Variants in UGT3A1 observed in about 807,000 individuals in gnomAD.
The protein encoded by UGT3A1 is UDP glycosyltransferase family 3 member A1, also known as UDP-glycosyltransferase 3A1.
UGT3A1 carries 40 observed loss-of-function variants against 37.6 expected under a neutral mutation model. The ratio of observed to expected loss-of-function variants is 1.06; its 90% CI spans 0.83 to 1.38. The LOEUF (loss-of-function observed/expected upper bound fraction) is 1.38, where lower values mean the gene tolerates loss of function less well. Among genes scored for constraint, UGT3A1 ranks in the 40% most tolerant of loss-of-function variants. The probability of loss-of-function intolerance (pLI) is 0.00; values close to 1 mark genes in which losing one functional copy is unlikely to be tolerated. For missense variants in UGT3A1, 642 were observed against 634.2 expected, an observed-to-expected ratio of 1.01 and a Z score of -0.13; for synonymous variants, 256 against 232.3, an observed-to-expected ratio of 1.10 and a Z score of -0.93.
chr5:35,956,893 A>G (rs905288198), intron 5 of UGT3A1, among the ~76,000 whole-genome samples: 3 of 152,152 alleles, frequency 2.0e-5, no homozygotes, highest in Non-Finnish European at 4.4e-5. Context: ...TTCAGTGTCA[A>G]ATGTAGTAGG....
intron 2 of UGT3A1, among the ~76,000 whole-genome samples, chr5:35,978,711 G>A (rs752126372): frequency 1.6e-4 from 24 of 151,996 alleles, no homozygotes; most frequent in Non-Finnish European, 3.4e-4. Flanking sequence ...CAAATCTCAC[G>A]TCCTCACATT....
intron 2 of UGT3A1, among the ~76,000 whole-genome samples, chr5:35,985,957 T>G (rs2149989505): frequency 6.6e-6 from 1 of 152,268 alleles, no homozygotes; most frequent in Middle Eastern, 3.4e-3. Context: ...AAACTATTCT[T>G]TTCACAATGG....
intron 5 of UGT3A1, among the ~76,000 whole-genome samples, chr5:35,956,758 G>A (rs556780069): frequency 2.0e-5 from 3 of 152,266 alleles, no homozygotes; most frequent in Admixed American, 6.5e-5. Context: ...ATAGGTATAC[G>A]TGTGTTTGTG....
intron 2 of UGT3A1, among the ~76,000 whole-genome samples, chr5:35,979,939 A>T (rs1273965447): frequency 1.3e-5 from 2 of 152,198 alleles, no homozygotes; most frequent in Non-Finnish European, 2.9e-5. Flanking sequence ...TCTTAAGACC[A>T]TCAGGTCTCA....
chr5:35,989,834 A>G (rs1338340415), intron 1 of UGT3A1, among the ~76,000 whole-genome samples: 1 of 152,152 alleles, frequency 6.6e-6, no homozygotes, highest in Non-Finnish European at 1.5e-5. Flanking sequence ...ATGAACTAAC[A>G]CAGTTTCTTA....
At chr5:35,963,164 A>G (rs1035613980) in intron 4 of UGT3A1, among the ~76,000 whole-genome samples, 1 of 152,174 alleles carries the variant, frequency 6.6e-6, no homozygotes, top group African/African-American at 2.4e-5. Context: ...CCCCTCACCT[A>G]TGCCTCTATT....
intron 2 of UGT3A1, among the ~76,000 whole-genome samples, chr5:35,981,950 AG>A (rs1246884902): frequency 6.6e-6 from 1 of 152,234 alleles, no homozygotes; most frequent in Non-Finnish European, 1.5e-5. Flanking sequence ...TAGCTGTTCC[AG>A]CTCCAGCCAC....
chr5:35,960,441 G>A (rs1394140691), intron 4 of UGT3A1, among the ~76,000 whole-genome samples: 1 of 152,192 alleles, frequency 6.6e-6, no homozygotes, highest in Non-Finnish European at 1.5e-5. Flanking sequence ...CCCCCTCACA[G>A]GGTATGTGAC....
In UGT3A1 at chr5:35,991,280, CGCGCCCT is replaced by C. The variant is rs1348337168; in HGVS notation, c.-47_-41del. On this transcript the variant is annotated 5_prime_UTR_variant, in exon 1 of 7. Coordinates refer to ENST00000274278, the MANE Select transcript of UGT3A1 (RefSeq NM_152404.4). ...AAGCAGCGGATCTCAGCCTGGGCTGCGCGCCCTGCGCCGGGCTAAGGACTCTGTGCGC... is the reference window on the plus strand; with the variant it reads ...AAGCAGCGGATCTCAGCCTGGGCTGCGCGCCGGGCTAAGGACTCTGTGCGC... 6.2e-7 allele frequency: 1 copy of C among 1,612,780 alleles called. No individual in the cohort carries two copies.
chr5:35,977,833 A>T (rs1048127459), intron 2 of UGT3A1, among the ~76,000 whole-genome samples: 1 of 152,236 alleles, frequency 6.6e-6, no homozygotes, highest in East Asian at 1.9e-4. Context: ...CGTAAAATTT[A>T]AAAGATACAA....
At chr5:35,969,892 T>C (rs1233705255) in intron 2 of UGT3A1, among the ~76,000 whole-genome samples, 1 of 152,160 alleles carries the variant, frequency 6.6e-6, no homozygotes, top group African/African-American at 2.4e-5. Context: ...ATACCTGTAT[T>C]AGTCTGTTTT....
At chr5:35,981,417 G>T (rs1740517290) in intron 2 of UGT3A1, among the ~76,000 whole-genome samples, 1 of 152,150 alleles carries the variant, frequency 6.6e-6, no homozygotes, top group African/African-American at 2.4e-5. Context: ...GGTGGTCTCA[G>T]ATGGAAATGA....
chr5:35,991,571 G>A (rs886832274), upstream of UGT3A1: 3 of 1,078,064 alleles, frequency 2.8e-6, no homozygotes, highest in Non-Finnish European at 3.4e-6. Flanking sequence ...AGCCAGGAAT[G>A]ACAGGGGCCT....
chr5:35,968,368 A>T (rs1739899371), intron 2 of UGT3A1, among the ~76,000 whole-genome samples: 1 of 152,186 alleles, frequency 6.6e-6, no homozygotes, highest in African/African-American at 2.4e-5. Flanking sequence ...AAAAGTTTCC[A>T]CTTAAAGCTT....
At chr5:35,998,911 G>A (rs555018277) in intron 1 of UGT3A1, among the ~76,000 whole-genome samples, 4 of 152,182 alleles carry the variant, frequency 2.6e-5, no homozygotes, top group African/African-American at 9.6e-5. Context: ...GAAAGAGAGA[G>A]AATATTTAAC....
At chr5:35,997,085 G>T (rs374952512) in intron 2 of UGT3A1, among the ~76,000 whole-genome samples, 1 of 152,104 alleles carries the variant, frequency 6.6e-6, no homozygotes, top group Non-Finnish European at 1.5e-5. Context: ...ATTATTTCCT[G>T]CACAAGCCTC....
chr5:35,974,900 C>T lies in UGT3A1; in HGVS notation c.197-6767G>A, dbSNP rs545113792. Among the ~76,000 whole-genome samples, 14 of 152,290 alleles carry T rather than the reference C, an allele frequency of 9.2e-5. No individual in the cohort carries two copies. The East Asian group carries it at 1.9e-3, about 21-fold the overall frequency. On this transcript the variant is annotated intron_variant, in intron 2 of 6. Transcript: ENST00000274278. ...TCTTCCACAACAAACCACACTTGTC[C>T]GTTGCGTTGCCTATGGCCAATGGTT...
intron 2 of UGT3A1, among the ~76,000 whole-genome samples, chr5:35,983,137 A>T (rs1183200960): frequency 6.6e-6 from 1 of 151,942 alleles, no homozygotes; most frequent in Non-Finnish European, 1.5e-5. Flanking sequence ...TAGTAATGTG[A>T]AAACAGATTA....
chr5:35,973,690 A>AC (rs2149972616), intron 2 of UGT3A1, among the ~76,000 whole-genome samples: 1 of 152,316 alleles, frequency 6.6e-6, no homozygotes, highest in African/African-American at 2.4e-5. Context: ...GCTTCCCAGC[A>AC]CCACCAGAGG....
Sources: allele counts gnomAD v4.1 joint callset (sites outside exome capture counted in the v4.1 genomes callset), GRCh38; gene constraint gnomAD v4.1.1; transcripts MANE v1.5; gene names NCBI Gene and HGNC (gene_info 2026-07-23, HGNC 2026-07-21).